Variants in RANBP3 observed in about 807,000 individuals in gnomAD.
RANBP3 encodes the protein RAN binding protein 3.
In RANBP3, 14 loss-of-function variants were observed where a neutral mutation model predicts 77.3. That is an observed-to-expected ratio of 0.18 (90% CI 0.12 to 0.28). The LOEUF (loss-of-function observed/expected upper bound fraction) is 0.28. Ranked by LOEUF, RANBP3 falls within the 10% of genes least tolerant of loss-of-function variation. The pLI is 1.00. For missense variants in RANBP3, 586 were observed against 752.3 expected (o/e 0.78, Z 2.59); for synonymous variants, 315 against 312.4 (o/e 1.01, Z -0.09).
intron 5 of RANBP3, among the ~76,000 whole-genome samples, chr19:5,941,160 G>C (rs984001053): frequency 8.5e-5 from 13 of 152,238 alleles, no homozygotes; most frequent in Non-Finnish European, 1.5e-5. Flanking sequence ...TGGTTACCGT[G>C]TGTGTGTGCA....
rs916672284 is a variant in RANBP3, at chr19:5,959,723, C to T, written c.23-1750G>A. On this transcript the variant is annotated intron_variant, in intron 1 of 16. Coordinates refer to ENST00000340578, the MANE Select transcript of RANBP3 (RefSeq NM_007322.3). The surrounding 1 kb of genome is among the most constrained non-coding windows in gnomAD (Gnocchi z 5.1). ...GGGGGACTCTGGGACAGAGCAGCAG[C>T]GTATCCACACCATGTGTGCCACCAG... Among the ~76,000 whole-genome samples the T allele has an allele frequency of 1.3e-5, 2 of 152,134 alleles. No individual in the cohort carries two copies. The highest frequency in any genetic ancestry group is 4.8e-5 in the African/African-American group (2 of 41,406).
chr19:5,925,596 C>G lies in RANBP3; in HGVS notation c.917+38G>C, dbSNP rs539822365. On this transcript the variant is annotated intron_variant, in intron 10 of 16. Coordinates refer to ENST00000340578, the MANE Select transcript of RANBP3 (RefSeq NM_007322.3). ...CAGAAGCCCTCGCGGCCACCTGCAT[C>G]GCCATGCCAGGCTGGCCGCTGACAC... is the stretch of plus-strand genomic sequence containing the variant. 6 of 1,583,164 alleles carry G rather than the reference C, an allele frequency of 3.8e-6. No homozygotes were observed. In the Admixed American group the frequency reaches 8.3e-5, roughly 22 times the overall value.
At chr19:5,947,943 T>C (rs772605869) in intron 3 of RANBP3, among the ~76,000 whole-genome samples, 9 of 152,190 alleles carry the variant, frequency 5.9e-5, no homozygotes, top group Non-Finnish European at 1.0e-4. Context: ...AAATCATGGT[T>C]GTCACATTTA....
chr19:5,923,533 C>G (rs962236773), intron 12 of RANBP3, among the ~76,000 whole-genome samples: 1 of 152,128 alleles, frequency 6.6e-6, no homozygotes, highest in African/African-American at 2.4e-5. Context: ...CTCTCGTGTT[C>G]GTGCCGAGCA....
At chr19:5,951,258 C>A (rs1161476411) in intron 3 of RANBP3, 135 bp downstream of exon 3, 2 of 862,704 alleles carry the variant, frequency 2.3e-6, no homozygotes, top group Non-Finnish European at 3.7e-6. Flanking sequence ...TGGAAGAAAT[C>A]CTTGTCATCT....
intron 12 of RANBP3, among the ~76,000 whole-genome samples, 195 bp from the exon 13 acceptor site, chr19:5,923,498 T>C (rs1435890607): frequency 3.3e-5 from 5 of 152,020 alleles, no homozygotes; most frequent in African/African-American, 1.2e-4. Flanking sequence ...AGGGAGACCA[T>C]CTGGGGGCCA....
intron 1 of RANBP3, 44 bp downstream of exon 1, chr19:5,978,017 C>T: frequency 6.2e-7 from 1 of 1,607,208 alleles, no homozygotes; most frequent in South Asian, 1.1e-5. Flanking sequence ...CTCCCGCCGC[C>T]CGTTCCCCGG....
chr19:5,926,846 G>A (rs369956164), intron 9 of RANBP3, among the ~76,000 whole-genome samples: 2 of 152,120 alleles, frequency 1.3e-5, no homozygotes, highest in African/African-American at 4.8e-5. Flanking sequence ...TTCTCGACTT[G>A]GGCTTCTGTT....
At chr19:5,965,527 G>A (rs949386263) in intron 1 of RANBP3, among the ~76,000 whole-genome samples, 1 of 152,180 alleles carries the variant, frequency 6.6e-6, no homozygotes, top group African/African-American at 2.4e-5. Flanking sequence ...GCAGCAAGGA[G>A]GGGAGAGGGT....
intron 3 of RANBP3, among the ~76,000 whole-genome samples, chr19:5,949,109 C>T (rs2058243736): frequency 6.6e-6 from 1 of 152,198 alleles, no homozygotes; most frequent in African/African-American, 2.4e-5. Context: ...TATATTCCCC[C>T]CAGGGACCAT....
chr19:5,923,065 G>A, intron 13 of RANBP3, 129 bp downstream of exon 13: 1 of 707,642 alleles, frequency 1.4e-6, no homozygotes, highest in Middle Eastern at 4.0e-4. Flanking sequence ...CCCAGAGCGT[G>A]GGGCCAGTGG....
chr19:5,927,888 A>C, intron 9 of RANBP3, 80 bp downstream of exon 9: 2 of 1,524,692 alleles, frequency 1.3e-6, no homozygotes, highest in East Asian at 4.7e-5. Flanking sequence ...CCCTGTTAAA[A>C]GGAAAATCTA....
At chr19:5,933,095 TG>T in intron 6 of RANBP3, 1 of 358,484 alleles carries the variant, frequency 2.8e-6, no homozygotes, top group Non-Finnish European at 5.1e-6. Context: ...CTGTGGTATG[TG>T]GGGGCCAGAA....
chr19:5,930,955 G>A (rs1487400246), intron 8 of RANBP3, among the ~76,000 whole-genome samples: 1 of 152,190 alleles, frequency 6.6e-6, no homozygotes, highest in African/African-American at 2.4e-5. Context: ...TGGTTTGGGT[G>A]TGGACACAGA....
intron 15 of RANBP3, 32 bp downstream of exon 15, chr19:5,918,464 G>C: frequency 6.4e-7 from 1 of 1,571,606 alleles, no homozygotes; most frequent in Non-Finnish European, 8.6e-7. Context: ...GCAGGATGAG[G>C]GGTCCCAGAT....
chr19:5,960,286 C>T (rs1289678732), intron 1 of RANBP3, among the ~76,000 whole-genome samples: 2 of 152,224 alleles, frequency 1.3e-5, no homozygotes, highest in Non-Finnish European at 2.9e-5. Flanking sequence ...ATTTCTGCCC[C>T]TTGTCGCTAA....
chr19:5,965,137 G>T (rs565186591), intron 1 of RANBP3, among the ~76,000 whole-genome samples: 66 of 152,136 alleles, frequency 4.3e-4, no homozygotes, highest in Middle Eastern at 6.8e-3. Context: ...CTGAGGAGGT[G>T]GGGGGCTTGA....
At position 5,951,545 on chromosome 19, in the gene RANBP3, C is replaced by A. The variant is rs1169122152; in HGVS notation, c.130G>T (p.Glu44Ter). The change falls in exon 3 of 17, where the codon GAG becomes TAG. Residue 44 changes from glutamate (E) to a stop codon, truncating the protein, a stop_gained. Transcript: ENST00000340578. LOFTEE classifies it high-confidence loss of function. Reference protein sequence around the residue: ...LSDSGEEPRGEAEAPHHGTGH... With the variant: ...LSDSGEEPRG The stretch of plus-strand genomic sequence containing the variant: ...GTGCCATGGTGGGGGGCCTCAGCCT[C>A]CCCCCGAGGCTCCTCTCCCGAATCC... 1 of 1,612,072 alleles carries A rather than the reference C, an allele frequency of 6.2e-7. No individual in the cohort carries two copies. The highest frequency in any genetic ancestry group is 1.3e-5 in the African/African-American group (1 of 74,874).
chr19:5,924,242 C>G lies in RANBP3; in HGVS notation c.997-328G>C, dbSNP rs376100439. Among the ~76,000 whole-genome samples, 29 of 152,382 alleles carry G rather than the reference C, an allele frequency of 1.9e-4. No individual in the cohort carries two copies. Among genetic ancestry groups the G allele is most frequent in the African/African-American group, 5.0e-4 (21 of 41,598 alleles). On this transcript the variant is annotated intron_variant, in intron 11 of 16. Transcript: ENST00000340578. This position sits in a 1 kb window ranked among gnomAD's most constrained non-coding sequence, Gnocchi z 4.7. ...CAGAGTACTTAATGCAGCCTAACTC[C>G]AGACAGAGCTAGAGTGACCAGGCGG...
Sources: gnomAD v4.1 joint callset for allele counts (sites outside exome capture counted in the v4.1 genomes callset) on GRCh38, gnomAD v4.1.1 for gene constraint, Gnocchi (gnomAD v3.1) non-coding constraint, MANE v1.5 for transcripts, NCBI Gene and HGNC (gene_info 2026-07-23, HGNC 2026-07-21) for gene names.